The following RBFOX3 variants were observed in gnomAD, a reference collection of about 807,000 sequenced individuals.
The protein encoded by RBFOX3 is RNA binding fox-1 homolog 3, also known as RNA binding protein fox-1 homolog 3.
A neutral mutation model predicts 48.7 loss-of-function variants in RBFOX3; 17 were observed. That is an observed-to-expected ratio of 0.35 (90% CI 0.24 to 0.52). RBFOX3 has a LOEUF of 0.52. RBFOX3 is among the 20% of genes least tolerant of loss of function. The pLI, the probability that RBFOX3 is intolerant of heterozygous loss-of-function variation, is 0.94. For missense variants in RBFOX3, 382 were observed against 497.5 expected (o/e 0.77, Z 2.21); for synonymous variants, 212 against 209.5 (o/e 1.01, Z -0.10).
intron 2 of RBFOX3, among the ~76,000 whole-genome samples, chr17:79,475,147 G>GGTGGGAA (rs2077548246): frequency 6.6e-6 from 1 of 152,156 alleles, no homozygotes. Flanking sequence ...AGCAGTGGGA[G>GGTGGGAA]GTGGGAAGTG....
rs942783674 is a variant in RBFOX3, at chr17:79,418,597, G to A, written c.-175+63857C>T. On this transcript the variant is annotated intron_variant, in intron 2 of 14. Transcript: ENST00000693108. This position sits in a 1 kb window ranked among gnomAD's most constrained non-coding sequence, Gnocchi z 5.0. ...TCTCAGGGCAGCATCCCAGCTCAGGGATGCTTCTTGGCAAGGAGGTCTGGG... is the reference window on the plus strand; with the variant it reads ...TCTCAGGGCAGCATCCCAGCTCAGGAATGCTTCTTGGCAAGGAGGTCTGGG... Among the ~76,000 whole-genome samples, 12 of 152,234 alleles carry A rather than the reference G, an allele frequency of 7.9e-5. No individual in the cohort carries two copies. The highest frequency in any genetic ancestry group is 1.6e-4 in the Non-Finnish European group (11 of 68,040).
the RBFOX3 span, among the ~76,000 whole-genome samples, chr17:79,656,471 G>T: frequency 4.6e-5 from 7 of 151,960 alleles, no homozygotes; most frequent in East Asian, 1.4e-3. Context: ...AAAATTAGCC[G>T]GACATGGTGG....
chr17:79,334,362 C>T (rs917033438), intron 2 of RBFOX3, among the ~76,000 whole-genome samples: 1 of 152,184 alleles, frequency 6.6e-6, no homozygotes, highest in South Asian at 2.1e-4. Flanking sequence ...ATCATGGTCA[C>T]CCACTCCTCA....
At chr17:79,635,633 TAG>T in the RBFOX3 span, among the ~76,000 whole-genome samples, 1 of 151,638 alleles carries the variant, frequency 6.6e-6, no homozygotes, top group Non-Finnish European at 1.5e-5. Flanking sequence ...CTGGAAAAAA[TAG>T]AGACTATAAA....
At chr17:79,321,980 C>T (rs909622295) in intron 2 of RBFOX3, among the ~76,000 whole-genome samples, 3 of 152,194 alleles carry the variant, frequency 2.0e-5, no homozygotes, top group African/African-American at 4.8e-5. Context: ...TGTTGGCATA[C>T]AGGCATGAGC....
intron 3 of RBFOX3, among the ~76,000 whole-genome samples, chr17:79,267,454 G>A (rs957640836): frequency 2.0e-5 from 3 of 151,926 alleles, no homozygotes; most frequent in African/African-American, 4.8e-5. Context: ...ACAGTGGCGC[G>A]ATCTCGGCTT....
At chr17:79,152,531 T>G (rs1235300810) in intron 4 of RBFOX3, among the ~76,000 whole-genome samples, 5 of 152,128 alleles carry the variant, frequency 3.3e-5, no homozygotes, top group Non-Finnish European at 7.4e-5. Flanking sequence ...TCTGTGAGCT[T>G]CTTCACCCCG....
intron 2 of RBFOX3, among the ~76,000 whole-genome samples, chr17:79,400,403 C>T (rs1020527164): frequency 5.9e-5 from 9 of 152,328 alleles, no homozygotes; most frequent in African/African-American, 2.2e-4. Flanking sequence ...TGTCTTCACA[C>T]GGCGTTTTTG....
At chr17:79,637,710 G>A in the RBFOX3 span, among the ~76,000 whole-genome samples, 1 of 144,892 alleles carries the variant, frequency 6.9e-6, no homozygotes, top group Non-Finnish European at 1.5e-5. Flanking sequence ...GGGAAGGGAA[G>A]GGGAGCGAAG....
intron 1 of RBFOX3, among the ~76,000 whole-genome samples, chr17:79,523,860 G>A (rs1232483060): frequency 2.0e-5 from 3 of 152,150 alleles, no homozygotes; most frequent in Admixed American, 6.5e-5. Flanking sequence ...ATAAGAGTTC[G>A]GTGTCCTAAT....
intron 1 of RBFOX3, among the ~76,000 whole-genome samples, chr17:79,578,885 C>T (rs1045698297): frequency 2.6e-5 from 4 of 152,106 alleles, no homozygotes; most frequent in Admixed American, 2.6e-4. Context: ...GCTCCATCAC[C>T]GCATGACCCC....
intron 3 of RBFOX3, among the ~76,000 whole-genome samples, chr17:79,276,469 T>A (rs369750675): frequency 3.9e-5 from 6 of 152,158 alleles, no homozygotes; most frequent in Admixed American, 1.3e-4. Context: ...GCGGATCACC[T>A]GAGGTCAGGA....
At chr17:79,467,397 A>C (rs1484670737) in intron 2 of RBFOX3, among the ~76,000 whole-genome samples, 2 of 152,078 alleles carry the variant, frequency 1.3e-5, no homozygotes, top group Non-Finnish European at 2.9e-5. Context: ...AACTCAAAGA[A>C]CCTTGCTTCC....
At chr17:79,634,727 A>G in the RBFOX3 span, among the ~76,000 whole-genome samples, 3 of 152,010 alleles carry the variant, frequency 2.0e-5, no homozygotes, top group Admixed American at 6.6e-5. Flanking sequence ...CTGTTCTGCC[A>G]TTTCCCATCC....
chr17:79,551,973 T>G (rs1162530942), intron 1 of RBFOX3, among the ~76,000 whole-genome samples: 3 of 152,164 alleles, frequency 2.0e-5, no homozygotes, highest in Non-Finnish European at 4.4e-5. Context: ...CCCAAAAATT[T>G]TGTTTAAAAT....
chr17:79,560,507 A>T (rs1453515206), intron 1 of RBFOX3, among the ~76,000 whole-genome samples: 2 of 152,180 alleles, frequency 1.3e-5, no homozygotes, highest in Admixed American at 6.5e-5. Flanking sequence ...TATGTTTACC[A>T]GGACGGTGGG....
chr17:79,095,279 C>T (rs1422182495), intron 13 of RBFOX3, among the ~76,000 whole-genome samples: 9 of 152,158 alleles, frequency 5.9e-5, no homozygotes, highest in South Asian at 2.1e-4. Context: ...ATCAGAGATG[C>T]GGTCTCCACC....
intron 1 of RBFOX3, among the ~76,000 whole-genome samples, chr17:79,542,981 C>T (rs2089928836): frequency 6.6e-6 from 1 of 152,070 alleles, no homozygotes; most frequent in African/African-American, 2.4e-5. Flanking sequence ...CGTCAACTGC[C>T]CAGCTCTCTC....
the RBFOX3 span, among the ~76,000 whole-genome samples, chr17:79,629,507 T>C: frequency 2.0e-5 from 3 of 152,104 alleles, no homozygotes; most frequent in African/African-American, 7.2e-5. Context: ...CTTCAGGGGG[T>C]GCGGGGAAAT....
Sources: gnomAD v4.1 joint callset for allele counts (sites outside exome capture counted in the v4.1 genomes callset) on GRCh38, gnomAD v4.1.1 for gene constraint, Gnocchi (gnomAD v3.1) non-coding constraint, MANE v1.5 for transcripts, NCBI Gene and HGNC (gene_info 2026-07-23, HGNC 2026-07-21) for gene names.